The following TRIM13 variants were observed in gnomAD, a reference collection of about 807,000 sequenced individuals.
TRIM13 encodes the protein E3 ubiquitin-protein ligase TRIM13.
A neutral mutation model predicts 27.1 loss-of-function variants in TRIM13; 15 were observed. The ratio of observed to expected loss-of-function variants is 0.55; its 90% CI spans 0.37 to 0.85. TRIM13 has a LOEUF of 0.85. Among genes scored for constraint, TRIM13 ranks in the 40% least tolerant of loss-of-function variants. TRIM13 has a pLI of 0.00. For missense variants in TRIM13, 402 were observed against 472.2 expected (o/e 0.85, Z 1.38); for synonymous variants, 193 against 171.5 (o/e 1.13, Z -0.98).
At chr13:50,007,025 T>TA (rs1448597800) in intron 1 of TRIM13, among the ~76,000 whole-genome samples, 1 of 149,330 alleles carries the variant, frequency 6.7e-6, no homozygotes, top group Non-Finnish European at 1.5e-5. Context: ...CAGCAAAAAA[T>TA]ACAAAAGTTA....
At chr13:50,009,754 A>C (rs374382206) in intron 1 of TRIM13, among the ~76,000 whole-genome samples, 24,505 of 139,840 alleles carry the variant, frequency 0.18, 2,503 homozygotes, top group African/African-American at 0.26. Context: ...AAAAAAAAAA[A>C]AAAACAACAA....
chr13:50,015,099 ATATATATATATATATATATAT>A lies in TRIM13; in HGVS notation c.*1936_*1956del. ...ATAAAAAAAAAAAAAAAAAAAATAT[ATATATATATATATATATATAT>A]ATATATATATATATATATATATATA... is the stretch of plus-strand genomic sequence containing the variant. On this transcript the variant is annotated 3_prime_UTR_variant, in exon 2 of 2. Coordinates refer to ENST00000378182, the MANE Select transcript of TRIM13 (RefSeq NM_213590.3). The A allele has an allele frequency of 3.4e-4, 1 of 2,956 alleles. No individual in the cohort carries two copies. The allele number at this position is 2,956 out of a possible 1,614,324, so 0.2% of individuals were successfully genotyped here.
chr13:50,015,733 T>C lies in TRIM13; in HGVS notation c.*2569T>C, dbSNP rs750165798. On this transcript the variant is annotated 3_prime_UTR_variant, in exon 2 of 2. Transcript: ENST00000378182. ...TACCCACTGAATTTTCAGACTATCT[T>C]AGGCTTCAGAGAGAGGCTCTTTTCT... The C allele has an allele frequency of 7.4e-6, 12 of 1,613,980 alleles. No individual in the cohort carries two copies. The highest frequency in any genetic ancestry group is 1.7e-5 in the Admixed American group (1 of 60,002).
At chr13:49,999,346 G>T (rs971086339) in intron 1 of TRIM13, among the ~76,000 whole-genome samples, 1 of 151,978 alleles carries the variant, frequency 6.6e-6, no homozygotes, top group African/African-American at 2.4e-5. Flanking sequence ...AATCGATTGC[G>T]TTTCACCCCA....
intron 1 of TRIM13, among the ~76,000 whole-genome samples, chr13:50,003,400 A>G (rs1277964123): frequency 1.3e-5 from 2 of 152,210 alleles, no homozygotes; most frequent in African/African-American, 2.4e-5. Flanking sequence ...GAACAACTTT[A>G]TATTGCTAAC....
chr13:50,006,514 G>A (rs1423075051), intron 1 of TRIM13, among the ~76,000 whole-genome samples: 2 of 151,892 alleles, frequency 1.3e-5, no homozygotes, highest in Admixed American at 6.6e-5. Context: ...TGTTTCTATT[G>A]CCTTCTCAAA....
At chr13:50,001,291 CAAAAA>C (rs35933096) in intron 1 of TRIM13, among the ~76,000 whole-genome samples, 2 of 91,454 alleles carry the variant, frequency 2.2e-5, no homozygotes, top group African/African-American at 4.8e-5. Flanking sequence ...AACTCTGTCC[CAAAAA>C]AAAAAAAAAA....
intron 1 of TRIM13, among the ~76,000 whole-genome samples, chr13:50,006,630 G>T (rs1185308656): frequency 1.3e-5 from 2 of 152,070 alleles, no homozygotes; most frequent in African/African-American, 4.8e-5. Context: ...TGACTTCATT[G>T]TTCTGAAAGT....
chr13:49,999,255 C>T (rs955169620), intron 1 of TRIM13, among the ~76,000 whole-genome samples: 16 of 152,186 alleles, frequency 1.1e-4, no homozygotes, highest in Middle Eastern at 3.4e-3. Context: ...AGTCTTTAGA[C>T]GGGCTATGTA....
chr13:50,004,780 A>G (rs1053882497), intron 1 of TRIM13, among the ~76,000 whole-genome samples: 2 of 140,442 alleles, frequency 1.4e-5, no homozygotes, highest in African/African-American at 5.2e-5. Flanking sequence ...ACCCTGTCTT[A>G]AAAAAAAAAA....
intron 1 of TRIM13, among the ~76,000 whole-genome samples, chr13:50,007,603 A>T (rs1161155071): frequency 6.7e-6 from 1 of 150,346 alleles, no homozygotes; most frequent in East Asian, 2.0e-4. Context: ...CAACATGGTG[A>T]AACCCCGTTT....
intron 1 of TRIM13, among the ~76,000 whole-genome samples, chr13:50,008,062 G>A (rs1209160278): frequency 1.3e-5 from 2 of 151,562 alleles, no homozygotes; most frequent in Admixed American, 6.6e-5. Context: ...CTGCCACCAC[G>A]CCCAGCTAAT....
At chr13:50,003,203 A>G (rs576915405) in intron 1 of TRIM13, among the ~76,000 whole-genome samples, 1 of 152,282 alleles carries the variant, frequency 6.6e-6, no homozygotes, top group Admixed American at 6.5e-5. Context: ...GTGAGTTTCA[A>G]TGTTTGCTGT....
chr13:50,011,535 C>T (rs1273802102), intron 1 of TRIM13, among the ~76,000 whole-genome samples: 1 of 152,160 alleles, frequency 6.6e-6, no homozygotes, highest in African/African-American at 2.4e-5. Context: ...CATACCATTT[C>T]ATATTTGTGG....
chr13:50,000,710 C>CTGA (rs1219930679), intron 1 of TRIM13, among the ~76,000 whole-genome samples: 4 of 151,620 alleles, frequency 2.6e-5, no homozygotes, highest in Non-Finnish European at 5.9e-5. Context: ...TGATTTCTTG[C>CTGA]TGATGTGATT....
At position 50,012,827 on chromosome 13, in the gene TRIM13, A is replaced by C; in HGVS notation, c.887A>C (p.Lys296Thr). The change falls in exon 2 of 2, where the codon AAA (lysine) becomes ACA (threonine). Residue 296 changes from lysine (K) to threonine (T), a missense_variant. This residue lies in a region of TRIM13 where 200 missense variants were observed against 194.7 expected (regional missense o/e 1.03). Coordinates refer to ENST00000378182, the MANE Select transcript of TRIM13 (RefSeq NM_213590.3). ...WEDIKLVDVD[K>T]LSLPQDTGTF... is the part of the protein sequence containing the mutation. Reference sequence around the variant, plus strand: ...GACATAAAACTAGTCGATGTGGATAAACTTTCTTTGCCTCAAGACACTGGC... The same window carrying C: ...GACATAAAACTAGTCGATGTGGATACACTTTCTTTGCCTCAAGACACTGGC... 1.2e-6 allele frequency: 2 copies of C among 1,614,128 alleles called. No homozygotes were observed. Among genetic ancestry groups the C allele is most frequent in the Non-Finnish European group, 1.7e-6 (2 of 1,180,008 alleles).
In TRIM13 at chr13:50,013,039, C is replaced by CA. The variant is rs1875860253; in HGVS notation, c.1101dup (p.Ser368IlefsTer17). The CA allele has an allele frequency of 6.2e-7, 1 of 1,613,928 alleles. No homozygotes were observed. Among genetic ancestry groups the CA allele is most frequent in the African/African-American group, 1.3e-5 (1 of 75,006 alleles). On this transcript the variant is annotated frameshift_variant, in exon 2 of 2. Coordinates refer to ENST00000378182, the MANE Select transcript of TRIM13 (RefSeq NM_213590.3). LOFTEE classifies it high-confidence loss of function. ...GACTAAAACAGCCGATTTCATAGAA[C>CA]AATCAGTTTTTTACTGGGAACAGGT...
chr13:50,008,061 C>A (rs963199256), intron 1 of TRIM13, among the ~76,000 whole-genome samples: 4 of 151,830 alleles, frequency 2.6e-5, no homozygotes, highest in African/African-American at 9.7e-5. Flanking sequence ...CCTGCCACCA[C>A]GCCCAGCTAA....
intron 1 of TRIM13, among the ~76,000 whole-genome samples, chr13:50,007,084 G>A (rs1008871073): frequency 3.3e-5 from 5 of 151,968 alleles, no homozygotes; most frequent in African/African-American, 1.2e-4. Context: ...TCAGGAGGCT[G>A]AGGCAGAGGA....
Sources: allele counts gnomAD v4.1 joint callset (sites outside exome capture counted in the v4.1 genomes callset), GRCh38; gene constraint gnomAD v4.1.1; regional missense constraint gnomAD v4.1.1; transcripts MANE v1.5; gene names NCBI Gene and HGNC (gene_info 2026-07-23, HGNC 2026-07-21).